Variants in GLIPR1L1 observed in about 807,000 individuals in gnomAD.
GLIPR1L1 encodes the protein GLIPR1-like protein 1.
A neutral mutation model predicts 29.9 loss-of-function variants in GLIPR1L1; 26 were observed. That is an observed-to-expected ratio of 0.87 (90% confidence interval 0.64 to 1.21). The LOEUF is 1.21. Among genes scored for constraint, GLIPR1L1 ranks in the 50% most tolerant of loss-of-function variants. The probability of loss-of-function intolerance (pLI) is 0.00; values close to 1 mark genes in which losing one functional copy is unlikely to be tolerated. For synonymous variants in GLIPR1L1, 77 were observed against 97.5 expected, an observed-to-expected ratio of 0.79 and a Z score of 1.24; for missense variants, 305 against 290.3, an observed-to-expected ratio of 1.05 and a Z score of -0.37.
At chr12:75,368,510 C>A (rs540486628) in intron 4 of GLIPR1L1, among the ~76,000 whole-genome samples, 1 of 151,730 alleles carries the variant, frequency 6.6e-6, no homozygotes, top group South Asian at 2.1e-4. Flanking sequence ...CCCAGGAATA[C>A]AATATTACGT....
At position 75,334,678 on chromosome 12, in the gene GLIPR1L1, C is replaced by A; in HGVS notation, c.-51C>A. 6.3e-7 allele frequency: 1 copy of A among 1,576,994 alleles called. No individual in the cohort carries two copies. The highest frequency in any genetic ancestry group is 8.6e-7 in the Non-Finnish European group (1 of 1,161,392). ...CGTGGGGAAATCGGGTTGCCCCAGC[C>A]GTTACTGGTCCGCGCAGTCAGGGCA... is the stretch of plus-strand genomic sequence containing the variant. On this transcript the variant is annotated 5_prime_UTR_variant, in exon 1 of 6. Coordinates refer to ENST00000378695, the MANE Select transcript of GLIPR1L1 (RefSeq NM_001304964.2).
At chr12:75,358,515 G>T (rs144932432) in intron 3 of GLIPR1L1, among the ~76,000 whole-genome samples, 139 of 150,968 alleles carry the variant, frequency 9.2e-4, no homozygotes, top group Admixed American at 6.4e-3. Flanking sequence ...CCTGATGAAG[G>T]CTCCTAACAA....
At chr12:75,345,182 A>T (rs533882084) in intron 2 of GLIPR1L1, among the ~76,000 whole-genome samples, 5 of 152,156 alleles carry the variant, frequency 3.3e-5, no homozygotes, top group African/African-American at 1.2e-4. Context: ...TCTCATAACT[A>T]TGAGAGTGTA....
intron 3 of GLIPR1L1, among the ~76,000 whole-genome samples, chr12:75,362,265 T>C (rs74108724): frequency 6.6e-6 from 1 of 152,100 alleles, no homozygotes; most frequent in Admixed American, 6.6e-5. Context: ...AAAATGCTCA[T>C]CATCATTCAT....
At chr12:75,344,184 C>T (rs780847946) in intron 2 of GLIPR1L1, among the ~76,000 whole-genome samples, 1 of 151,960 alleles carries the variant, frequency 6.6e-6, no homozygotes. Flanking sequence ...GAATGTTGGC[C>T]ATTGTTTCTG....
intron 3 of GLIPR1L1, among the ~76,000 whole-genome samples, chr12:75,356,292 A>G (rs2043151056): frequency 6.6e-6 from 1 of 152,200 alleles, no homozygotes; most frequent in South Asian, 2.1e-4. Context: ...TTAAAAATAA[A>G]CATTAAATAT....
intron 3 of GLIPR1L1, among the ~76,000 whole-genome samples, chr12:75,362,554 T>C (rs1344188441): frequency 1.3e-5 from 2 of 152,202 alleles, no homozygotes; most frequent in African/African-American, 4.8e-5. Context: ...CTACTCATGT[T>C]GTTATGTTTT....
intron 1 of GLIPR1L1, among the ~76,000 whole-genome samples, chr12:75,336,195 C>T (rs2041725656): frequency 6.6e-6 from 1 of 151,510 alleles, no homozygotes; most frequent in Admixed American, 6.6e-5. Context: ...TCTAGGATAA[C>T]CATTAAAAAT....
chr12:75,346,921 T>A (rs892525244), intron 2 of GLIPR1L1, among the ~76,000 whole-genome samples: 1 of 152,164 alleles, frequency 6.6e-6, no homozygotes, highest in African/African-American at 2.4e-5. Flanking sequence ...CCAGTATTTT[T>A]TTCCCTTTTT....
At chr12:75,346,579 C>A (rs954263173) in intron 2 of GLIPR1L1, among the ~76,000 whole-genome samples, 2 of 151,980 alleles carry the variant, frequency 1.3e-5, no homozygotes, top group South Asian at 4.2e-4. Flanking sequence ...TTAGTAGAAA[C>A]GGGGTTTTGC....
Position 75,367,123 on chromosome 12 carries a change from T to G in GLIPR1L1, c.611-2837T>G. 3 of 672,194 alleles carry G rather than the reference T, an allele frequency of 4.5e-6. No individual in the cohort carries two copies. The South Asian group carries it at 4.8e-5, about 11-fold the overall frequency. 41.6% of individuals were successfully genotyped at this position (672,194 alleles called of 1,614,324 possible). On this transcript the variant is annotated intron_variant, in intron 4 of 5. Coordinates refer to ENST00000378695, the MANE Select transcript of GLIPR1L1 (RefSeq NM_001304964.2). ...AGAAAACGTAATGGAGAAGACACTT[T>G]AGAATACACCTCCAAAGTGGAAACC...
At chr12:75,335,000 G>A in intron 1 of GLIPR1L1, 98 bp downstream of exon 1, 1 of 1,198,958 alleles carries the variant, frequency 8.3e-7, no homozygotes, top group East Asian at 2.4e-5. Flanking sequence ...ATTCAATCCG[G>A]ACTTTACATA....
At chr12:75,363,673 G>GA (rs1172789598) in intron 4 of GLIPR1L1, among the ~76,000 whole-genome samples, 15 of 150,038 alleles carry the variant, frequency 1.0e-4, no homozygotes, top group African/African-American at 3.4e-4. Context: ...GAGGCCAGAG[G>GA]AAAAAAAAAT....
chr12:75,365,500 A>T (rs1046568127), intron 4 of GLIPR1L1, among the ~76,000 whole-genome samples: 11 of 152,310 alleles, frequency 7.2e-5, no homozygotes, highest in Non-Finnish European at 1.5e-4. Flanking sequence ...ACTTTTAAAT[A>T]ACCTTTGAAT....
At chr12:75,352,688 A>G (rs1365173943) in intron 3 of GLIPR1L1, among the ~76,000 whole-genome samples, 1 of 152,230 alleles carries the variant, frequency 6.6e-6, no homozygotes, top group African/African-American at 2.4e-5. Flanking sequence ...ACCCCAAAAC[A>G]ACAGAATATA....
rs369727446 is a variant in GLIPR1L1 at position 75,362,305 on chromosome 12, T to A, written c.522-797T>A. On this transcript the variant is annotated intron_variant, in intron 3 of 5. Transcript: ENST00000378695. ...TAAAAAATACAAATTAAGGTCACAA[T>A]AAATACCACTACACCATTATTAGAA... 1.6e-4 allele frequency among the ~76,000 whole-genome samples: 25 copies of A among 152,260 alleles called. No individual in the cohort carries two copies. The East Asian group carries it at 4.6e-3, about 28-fold the overall frequency.
intron 3 of GLIPR1L1, among the ~76,000 whole-genome samples, chr12:75,350,622 A>T (rs961068565): frequency 6.6e-6 from 1 of 152,182 alleles, no homozygotes; most frequent in Admixed American, 6.5e-5. Flanking sequence ...AAGGGGCCTT[A>T]CTGCTAAAAG....
chr12:75,366,824 C>T (rs867733773), intron 4 of GLIPR1L1: 18 of 698,310 alleles, frequency 2.6e-5, no homozygotes, highest in Middle Eastern at 3.1e-4. Context: ...GCTAAAAATG[C>T]CAAGTGAACA....
chr12:75,337,829 C>A (rs1023628438), intron 1 of GLIPR1L1, among the ~76,000 whole-genome samples: 1 of 151,596 alleles, frequency 6.6e-6, no homozygotes, highest in Non-Finnish European at 1.5e-5. Flanking sequence ...TATTATTTTT[C>A]GACTATTGTC....
Sources: allele counts gnomAD v4.1 joint callset (sites outside exome capture counted in the v4.1 genomes callset), GRCh38; gene constraint gnomAD v4.1.1; transcripts MANE v1.5; gene names NCBI Gene and HGNC (gene_info 2026-07-23, HGNC 2026-07-21).